The following SLC22A23 variants were observed in gnomAD, a reference collection of about 807,000 sequenced individuals.
The protein encoded by SLC22A23 is ion transporter protein.
In SLC22A23, 26 loss-of-function variants were observed where a neutral mutation model predicts 61.0. The ratio of observed to expected loss-of-function variants is 0.43; its 90% CI spans 0.31 to 0.59. The LOEUF (loss-of-function observed/expected upper bound fraction) is 0.59, where lower values mean the gene tolerates loss of function less well. Ranked by LOEUF, SLC22A23 falls within the 20% of genes least tolerant of loss-of-function variation. The pLI is 0.11. For synonymous variants in SLC22A23, 430 were observed against 413.9 expected (o/e 1.04, Z -0.47); for missense variants, 796 against 934.7 (o/e 0.85, Z 1.94).
intron 3 of SLC22A23, among the ~76,000 whole-genome samples, chr6:3,344,662 G>A (rs1322419036): frequency 2.0e-5 from 3 of 152,196 alleles, no homozygotes; most frequent in Non-Finnish European, 2.9e-5. Context: ...TCCTTTTTCT[G>A]GAGGTAGAAG....
chr6:3,441,204 T>C (rs1771570847), intron 1 of SLC22A23, among the ~76,000 whole-genome samples: 1 of 152,142 alleles, frequency 6.6e-6, no homozygotes, highest in Admixed American at 6.5e-5. Flanking sequence ...GTAACATGGG[T>C]GTGTCCTGGA....
At chr6:3,452,639 G>T (rs1005010331) in intron 1 of SLC22A23, among the ~76,000 whole-genome samples, 4 of 81,198 alleles carry the variant, frequency 4.9e-5, no homozygotes, top group African/African-American at 1.3e-4. Context: ...AAAAAAAAAA[G>T]CCTAGAGACT....
chr6:3,432,899 C>T (rs774635598), intron 1 of SLC22A23, among the ~76,000 whole-genome samples: 14 of 152,310 alleles, frequency 9.2e-5, no homozygotes, highest in African/African-American at 1.4e-4. Context: ...CAGTGGCCTC[C>T]GGAACCTTGT....
chr6:3,345,096 C>T (rs183154221), intron 3 of SLC22A23, among the ~76,000 whole-genome samples: 3 of 152,344 alleles, frequency 2.0e-5, no homozygotes, highest in East Asian at 1.9e-4. Context: ...GAACAATTGG[C>T]TTTGTCAGAA....
rs180984489 is a variant in SLC22A23, at chr6:3,414,399, G to C, written c.758+1353C>G. ...AAGCCCCCAAGAGGTCCCCTGCGTA[G>C]GTCTCCAGAGGTCACTGACTGCTTC... On this transcript the variant is annotated intron_variant, in intron 2 of 9. Transcript: ENST00000406686. This position sits in a 1 kb window ranked among gnomAD's most constrained non-coding sequence, Gnocchi z 5.1. 1.6e-4 allele frequency among the ~76,000 whole-genome samples: 24 copies of C among 152,238 alleles called. No individual in the cohort carries two copies. The highest frequency in any genetic ancestry group is 5.3e-4 in the African/African-American group (22 of 41,542).
chr6:3,296,992 CT>C (rs1192383298), intron 5 of SLC22A23, among the ~76,000 whole-genome samples: 1 of 152,220 alleles, frequency 6.6e-6, no homozygotes, highest in African/African-American at 2.4e-5. Flanking sequence ...ACCTGTGCCC[CT>C]GGAGCAAAGC....
chr6:3,362,613 G>C (rs1351486395), intron 3 of SLC22A23, among the ~76,000 whole-genome samples: 1 of 151,794 alleles, frequency 6.6e-6, no homozygotes, highest in Non-Finnish European at 1.5e-5. Context: ...CATCTCCTTA[G>C]CAAGGTAACA....
At chr6:3,348,029 T>C (rs911792690) in intron 3 of SLC22A23, among the ~76,000 whole-genome samples, 1 of 152,230 alleles carries the variant, frequency 6.6e-6, no homozygotes, top group Admixed American at 6.5e-5. Context: ...ACTGGCTCTC[T>C]TATCTCACTG....
At chr6:3,287,687 G>T (rs201672266) in intron 6 of SLC22A23, among the ~76,000 whole-genome samples, 261 of 107,724 alleles carry the variant, frequency 2.4e-3, no homozygotes, top group East Asian at 0.019. Context: ...TTTTTTTTTT[G>T]TTTTGTTTTG....
At chr6:3,294,231 G>T (rs781008713) in intron 5 of SLC22A23, among the ~76,000 whole-genome samples, 1 of 151,148 alleles carries the variant, frequency 6.6e-6, no homozygotes, top group Non-Finnish European at 1.5e-5. Flanking sequence ...CCGATGCCTG[G>T]CAGTCACTGT....
chr6:3,376,593 A>C (rs796285374), intron 3 of SLC22A23, among the ~76,000 whole-genome samples: 4 of 152,182 alleles, frequency 2.6e-5, no homozygotes, highest in African/African-American at 9.6e-5. Context: ...CCTTCTCCTA[A>C]ATTTCCAAAG....
At chr6:3,385,410 G>A (rs536632689) in intron 3 of SLC22A23, among the ~76,000 whole-genome samples, 5 of 152,242 alleles carry the variant, frequency 3.3e-5, no homozygotes, top group South Asian at 2.1e-4. Flanking sequence ...CAACTACTTG[G>A]GAGTCTGAGG....
intron 4 of SLC22A23, among the ~76,000 whole-genome samples, chr6:3,305,720 G>T (rs187917281): frequency 2.0e-5 from 3 of 152,194 alleles, no homozygotes; most frequent in Non-Finnish European, 2.9e-5. Context: ...CAGGAAGCAC[G>T]GTGGGTAGCT....
intron 3 of SLC22A23, among the ~76,000 whole-genome samples, chr6:3,343,432 C>T (rs555204756): frequency 5.3e-5 from 8 of 151,972 alleles, no homozygotes; most frequent in East Asian, 3.9e-4. Context: ...CCTTTAAGAA[C>T]GAAGGAAACA....
At position 3,410,105 on chromosome 6, in the gene SLC22A23, G is replaced by A; in HGVS notation, c.913+83C>T. ...AACTGCCAGCCCACACGAGCAGCAT[G>A]CACAGTATCTTTCCCAGAACCTCCC... is the stretch of plus-strand genomic sequence containing the variant. On this transcript the variant is annotated intron_variant, in intron 3 of 9. Coordinates refer to ENST00000406686, the MANE Select transcript of SLC22A23 (RefSeq NM_015482.2). The surrounding 1 kb of genome is among the most constrained non-coding windows in gnomAD (Gnocchi z 5.0). The A allele has an allele frequency of 6.7e-7, 1 of 1,482,100 alleles. No homozygotes were observed. The highest frequency in any genetic ancestry group is 9.1e-7 in the Non-Finnish European group (1 of 1,098,482). The allele number at this position is 1,482,100 out of a possible 1,614,324, so 91.8% of individuals were successfully genotyped here. A position where few individuals can be genotyped will look rare whatever the true frequency, so the allele number is the denominator to read the frequency against.
At chr6:3,446,445 T>C (rs1041205493) in intron 1 of SLC22A23, among the ~76,000 whole-genome samples, 7 of 152,242 alleles carry the variant, frequency 4.6e-5, no homozygotes, top group African/African-American at 1.4e-4. Context: ...AGGCAAATTC[T>C]AGCCCCATGG....
intron 1 of SLC22A23, among the ~76,000 whole-genome samples, chr6:3,418,560 C>G (rs4959239): frequency 0.38 from 57,280 of 152,060 alleles, 11,006 homozygotes; most frequent in East Asian, 0.47. Context: ...GAGACTGAGT[C>G]ACTCACACGC....
chr6:3,433,332 T>A (rs563714505), intron 1 of SLC22A23, among the ~76,000 whole-genome samples: 3 of 152,198 alleles, frequency 2.0e-5, no homozygotes, highest in Non-Finnish European at 4.4e-5. Flanking sequence ...TTATCAGCCC[T>A]AGGGAGTGAG....
chr6:3,418,465 C>A (rs2127526201), intron 1 of SLC22A23, among the ~76,000 whole-genome samples: 1 of 152,288 alleles, frequency 6.6e-6, no homozygotes, highest in East Asian at 1.9e-4. Flanking sequence ...CAGCCATGAC[C>A]CCATTAAGGT....
Sources: gnomAD v4.1 joint callset for allele counts (sites outside exome capture counted in the v4.1 genomes callset) on GRCh38, gnomAD v4.1.1 for gene constraint, Gnocchi (gnomAD v3.1) non-coding constraint, MANE v1.5 for transcripts, NCBI Gene and HGNC (gene_info 2026-07-23, HGNC 2026-07-21) for gene names.